The following PFKP variants were observed in gnomAD, a reference collection of about 807,000 sequenced individuals.
PFKP encodes ATP-dependent 6-phosphofructokinase, platelet type.
Under a neutral mutation model 94.3 loss-of-function variants are expected in PFKP, and 101 were observed. The observed-to-expected ratio is 1.07, with a 90% CI of 0.91 to 1.26. PFKP has a LOEUF of 1.26. PFKP is among the 50% of genes most tolerant of loss of function. The probability of loss-of-function intolerance (pLI) is 0.00; values close to 1 mark genes in which losing one functional copy is unlikely to be tolerated. For missense variants in PFKP, 1,145 were observed against 1,103.3 expected, an observed-to-expected ratio of 1.04 and a Z score of -0.53; for synonymous variants, 573 against 432.6, an observed-to-expected ratio of 1.32 and a Z score of -4.03.
chr10:3,067,606 A>T lies in PFKP; in HGVS notation c.11A>T (p.Asp4Val). The change falls in exon 1 of 22, where the codon GAC becomes GTC. Residue 4 changes from aspartate to valine, a missense_variant. By Grantham distance (152) the Asp-to-Val change is radical. Transcript: ENST00000381125. ...CTCGGCCTCCTCGCCATGGACGCGG[A>T]CGACTCCCGGGCCCCCAAGGGCTCC... Reference protein sequence around the residue: MDADDSRAPKGSLR... With the variant: MDAVDSRAPKGSLR... 6.6e-7 allele frequency: 1 copy of T among 1,523,328 alleles called. No individual in the cohort carries two copies. The highest frequency in any genetic ancestry group is 1.2e-5 in the South Asian group (1 of 82,456). The allele number at this position is 1,523,328 out of a possible 1,614,324, so 94.4% of individuals were successfully genotyped here.
chr10:3,115,643 A>G (rs1230017594), intron 13 of PFKP, among the ~76,000 whole-genome samples: 2 of 152,316 alleles, frequency 1.3e-5, no homozygotes, highest in Admixed American at 1.3e-4. Context: ...GCTGTGTCCC[A>G]GCATCTTCAG....
At chr10:3,100,803 TGAA>T in intron 3 of PFKP, 1 of 595,668 alleles carries the variant, frequency 1.7e-6, no homozygotes, top group East Asian at 2.7e-5. Flanking sequence ...GAAGTTTGGA[TGAA>T]AGAATTTAAG....
At chr10:3,092,969 A>T (rs894068477) in intron 2 of PFKP, among the ~76,000 whole-genome samples, 4 of 111,204 alleles carry the variant, frequency 3.6e-5, no homozygotes, top group African/African-American at 1.4e-4. Flanking sequence ...GGATGTGTGG[A>T]TGGGGGTAGG....
At chr10:3,069,444 A>G in intron 1 of PFKP, 1 of 1,503,346 alleles carries the variant, frequency 6.7e-7, no homozygotes, top group South Asian at 1.2e-5. Context: ...CTTCTCAGTC[A>G]AAGGCCTTCA....
chr10:3,135,727 CTT>C lies in PFKP; in HGVS notation c.2123-6_2123-5del. ...GGGTGTTATTAATCTTTTTTAAAATCTTTTATAGGAAAAAAATTTACCACCGA... is the reference window on the plus strand; with the variant it reads ...GGGTGTTATTAATCTTTTTTAAAATCTTATAGGAAAAAAATTTACCACCGA... On this transcript the variant is annotated splice_region_variant and splice_polypyrimidine_tract_variant and intron_variant, in intron 20 of 21. Coordinates refer to ENST00000381125, the MANE Select transcript of PFKP (RefSeq NM_002627.5). 1 of 1,570,180 alleles carries C rather than the reference CTT, an allele frequency of 6.4e-7. No individual in the cohort carries two copies.
intron 4 of PFKP, 65 bp from the exon 5 acceptor site, chr10:3,103,714 A>T (rs11251719): frequency 1.0e-4 from 163 of 1,569,708 alleles, no homozygotes; most frequent in Non-Finnish European, 1.4e-4. Context: ...CCTCACCCCT[A>T]GTGGGGCACC....
chr10:3,098,374 A>C (rs1834670679), intron 2 of PFKP, among the ~76,000 whole-genome samples: 1 of 151,980 alleles, frequency 6.6e-6, no homozygotes, highest in Non-Finnish European at 1.5e-5. Context: ...GGATGCATTT[A>C]GCATTGAAAG....
At chr10:3,133,176 A>T (rs1838794782) in intron 18 of PFKP, 27 bp from the exon 19 acceptor site, 1 of 1,575,618 alleles carries the variant, frequency 6.3e-7, no homozygotes, top group Non-Finnish European at 8.7e-7. Flanking sequence ...CACGCTAAAC[A>T]AAGTGACTCC....
intron 11 of PFKP, among the ~76,000 whole-genome samples, chr10:3,112,497 GTAAGGTGATGGTTGTT>G (rs1379922673): frequency 6.6e-6 from 1 of 152,192 alleles, no homozygotes; most frequent in Non-Finnish European, 1.5e-5. Flanking sequence ...GTCCTTTTTG[GTAAGGTGATGGTTGTT>G]TAGGAGCTAA....
At chr10:3,100,862 C>CAAAAT (rs754923021) in intron 3 of PFKP, 65 of 657,268 alleles carry the variant, frequency 9.9e-5, no homozygotes, top group Non-Finnish European at 1.5e-4. Flanking sequence ...GTATGTGGTG[C>CAAAAT]AAAAAAAAAA....
chr10:3,108,124 C>T (rs1346673236), intron 8 of PFKP: 5 of 793,548 alleles, frequency 6.3e-6, no homozygotes, highest in Non-Finnish European at 8.9e-6. Context: ...TTATTTCCCG[C>T]TTAACTGTAA....
chr10:3,101,235 A>T, intron 3 of PFKP, 130 bp from the exon 4 acceptor site: 1 of 802,904 alleles, frequency 1.2e-6, no homozygotes, highest in Non-Finnish European at 1.9e-6. Context: ...ATAGCTAGTT[A>T]CTAACTCACA....
At chr10:3,112,339 C>G in intron 11 of PFKP, 53 bp downstream of exon 11, 1 of 1,355,790 alleles carries the variant, frequency 7.4e-7, no homozygotes, top group Non-Finnish European at 1.1e-6. Flanking sequence ...ACCCCTCAGG[C>G]CCAGCCACTG....
intron 2 of PFKP, among the ~76,000 whole-genome samples, chr10:3,086,102 G>T (rs1833570533): frequency 6.6e-6 from 1 of 152,162 alleles, no homozygotes; most frequent in Non-Finnish European, 1.5e-5. Flanking sequence ...TGGGGATGGA[G>T]TATCCTGGGA....
chr10:3,127,344 G>A lies in PFKP; in HGVS notation c.1684-2475G>A, dbSNP rs574965687. ...CCTGGCGGGACCAGAACTCAGACAC[G>A]CCTGGGCACAAATCAGCCTCTTGGG... On this transcript the variant is annotated intron_variant, in intron 16 of 21. Coordinates refer to ENST00000381125, the MANE Select transcript of PFKP (RefSeq NM_002627.5). Among the ~76,000 whole-genome samples, 573 of 152,352 alleles carry A rather than the reference G, an allele frequency of 3.8e-3. 5 individuals are homozygous for A. Among genetic ancestry groups the A allele is most frequent in the African/African-American group, 0.013 (544 of 41,584 alleles).
chr10:3,088,318 C>G, intron 2 of PFKP, among the ~76,000 whole-genome samples: 1 of 152,136 alleles, frequency 6.6e-6, no homozygotes, highest in Non-Finnish European at 1.5e-5. Flanking sequence ...CTACAAAGGA[C>G]ATGAACTCAT....
At chr10:3,093,632 C>A (rs1211864583) in intron 2 of PFKP, among the ~76,000 whole-genome samples, 7 of 132,316 alleles carry the variant, frequency 5.3e-5, no homozygotes, top group Admixed American at 1.5e-4. Context: ...CAGGAACAAG[C>A]ATTATCTTTT....
At position 3,119,937 on chromosome 10, in the gene PFKP, G is replaced by T. The variant is rs560699702; in HGVS notation, c.1576G>T (p.Glu526Ter). 6.2e-7 allele frequency: 1 copy of T among 1,614,014 alleles called. No homozygotes were observed. The highest frequency in any genetic ancestry group is 8.5e-7 in the Non-Finnish European group (1 of 1,180,020). The change falls in exon 16 of 22, where the codon GAG becomes TAG. Residue 526 changes from glutamate (E) to a stop codon, truncating the protein, a stop_gained. Coordinates refer to ENST00000381125, the MANE Select transcript of PFKP (RefSeq NM_002627.5). LOFTEE classifies it high-confidence loss of function. ...GCTGTCAGCCGCCCGGGAGAAGCAC[G>T]AGGAGTTCTGTGTCCCCATGGTCAT... The part of the protein sequence containing the change: ...LELSAAREKH[E>*]EFCVPMVMVP...
intron 16 of PFKP, among the ~76,000 whole-genome samples, chr10:3,122,335 G>A (rs1342188221): frequency 6.6e-6 from 1 of 152,166 alleles, no homozygotes; most frequent in Non-Finnish European, 1.5e-5. Context: ...TCACCCTGGC[G>A]AATGCTGTGG....
Sources: gnomAD v4.1 joint callset for allele counts (sites outside exome capture counted in the v4.1 genomes callset) on GRCh38, gnomAD v4.1.1 for gene constraint, MANE v1.5 for transcripts, NCBI Gene and HGNC (gene_info 2026-07-23, HGNC 2026-07-21) for gene names.